The following RBMS3 variants were observed in gnomAD, a reference collection of about 807,000 sequenced individuals.
RBMS3 encodes the protein RNA-binding motif, single-stranded-interacting protein 3.
Under a neutral mutation model 66.8 loss-of-function variants are expected in RBMS3, and 27 were observed. That is an observed-to-expected ratio of 0.40 (90% CI 0.30 to 0.56). The LOEUF (loss-of-function observed/expected upper bound fraction) is 0.56. Among genes scored for constraint, RBMS3 ranks in the 20% least tolerant of loss-of-function variants. The pLI is 0.40. For synonymous variants in RBMS3, 188 were observed against 183.0 expected (o/e 1.03, Z -0.22); for missense variants, 513 against 549.5 (o/e 0.93, Z 0.66).
At chr3:29,584,159 C>T (rs1482940810) in intron 3 of RBMS3, among the ~76,000 whole-genome samples, 1 of 152,116 alleles carries the variant, frequency 6.6e-6, no homozygotes, top group Non-Finnish European at 1.5e-5. Context: ...CACTGGGCAT[C>T]TTGAAGCTAT....
intron 10 of RBMS3, among the ~76,000 whole-genome samples, chr3:29,910,844 A>G (rs1383383858): frequency 1.3e-5 from 2 of 151,946 alleles, no homozygotes; most frequent in Admixed American, 1.3e-4. Context: ...TTAAAGAATT[A>G]TGGAGTTTAG....
chr3:29,932,689 T>C (rs1031757900), intron 10 of RBMS3, among the ~76,000 whole-genome samples: 2 of 152,212 alleles, frequency 1.3e-5, no homozygotes, highest in Non-Finnish European at 2.9e-5. Flanking sequence ...GATTTGCCAA[T>C]GGTTTTGTAT....
At chr3:29,445,217 G>A (rs935114706) in intron 2 of RBMS3, among the ~76,000 whole-genome samples, 5 of 151,924 alleles carry the variant, frequency 3.3e-5, no homozygotes, top group African/African-American at 1.2e-4. Flanking sequence ...GGGAGATACA[G>A]GAAACAGCAT....
intron 1 of RBMS3, among the ~76,000 whole-genome samples, chr3:29,430,831 A>G (rs1393516199): frequency 6.6e-6 from 1 of 152,216 alleles, no homozygotes; most frequent in Non-Finnish European, 1.5e-5. Flanking sequence ...AATTCAAAGA[A>G]TTTGGAGAGA....
At chr3:29,410,496 A>C (rs1200815280) in intron 1 of RBMS3, among the ~76,000 whole-genome samples, 2 of 152,150 alleles carry the variant, frequency 1.3e-5, no homozygotes, top group Non-Finnish European at 2.9e-5. Context: ...CTAGATCCTC[A>C]TGTGGGAATA....
chr3:29,364,897 T>G (rs1219107077), intron 1 of RBMS3, among the ~76,000 whole-genome samples: 4 of 152,156 alleles, frequency 2.6e-5, no homozygotes, highest in African/African-American at 9.7e-5. Context: ...GCATAATGAG[T>G]TCGTGGAGTC....
intron 1 of RBMS3, among the ~76,000 whole-genome samples, chr3:29,405,339 T>A (rs781213204): frequency 8.9e-4 from 136 of 152,258 alleles, no homozygotes; most frequent in Non-Finnish European, 1.6e-3. Flanking sequence ...GTGCCTTTGT[T>A]AAAAAAATTC....
At chr3:29,775,265 A>T (rs952786684) in intron 6 of RBMS3, among the ~76,000 whole-genome samples, 2 of 146,900 alleles carry the variant, frequency 1.4e-5, no homozygotes, top group African/African-American at 5.0e-5. Context: ...TTTTTTATTT[A>T]TTTTTTTTTT....
At chr3:29,818,657 T>C (rs1162684639) in intron 6 of RBMS3, among the ~76,000 whole-genome samples, 1 of 152,170 alleles carries the variant, frequency 6.6e-6, no homozygotes, top group African/African-American at 2.4e-5. Context: ...AAACACTTAT[T>C]TGCTATGCAC....
intron 4 of RBMS3, among the ~76,000 whole-genome samples, chr3:29,665,203 G>GTGGAT (rs1403901844): frequency 6.6e-6 from 1 of 152,142 alleles, no homozygotes; most frequent in East Asian, 1.9e-4. Context: ...GGTGGACTAT[G>GTGGAT]TGGATTCAAA....
intron 6 of RBMS3, among the ~76,000 whole-genome samples, chr3:29,784,638 A>G (rs2056756665): frequency 1.3e-5 from 2 of 152,132 alleles, no homozygotes; most frequent in African/African-American, 4.8e-5. Flanking sequence ...TGGAGAAACA[A>G]TAACGATTCA....
chr3:29,587,557 T>C (rs9851413), intron 4 of RBMS3, among the ~76,000 whole-genome samples: 43,083 of 150,990 alleles, frequency 0.29, 6,636 homozygotes, highest in African/African-American at 0.4. Flanking sequence ...AAAGATGGGG[T>C]GTGTCTGTGT....
chr3:29,513,334 A>G (rs2044488504), intron 3 of RBMS3, among the ~76,000 whole-genome samples: 1 of 152,220 alleles, frequency 6.6e-6, no homozygotes, highest in Non-Finnish European at 1.5e-5. Flanking sequence ...TGAGCCGAAG[A>G]TATCACTAAC....
chr3:29,460,185 A>G (rs80102992), intron 2 of RBMS3, among the ~76,000 whole-genome samples: 4,562 of 152,310 alleles, frequency 0.03, 80 homozygotes, highest in Non-Finnish European at 0.041. Context: ...ATTGGTAGAA[A>G]TATGTTCACC....
At chr3:29,563,811 G>A (rs1235528770) in intron 3 of RBMS3, among the ~76,000 whole-genome samples, 1 of 151,976 alleles carries the variant, frequency 6.6e-6, no homozygotes, top group African/African-American at 2.4e-5. Context: ...GACCACTTGG[G>A]GCCAGGAGTT....
rs73828630 is a variant in RBMS3 at position 29,370,398 on chromosome 3, T to C, written c.76-64345T>C. Among the ~76,000 whole-genome samples the C allele has an allele frequency of 3.5e-3, 527 of 152,334 alleles. 5 individuals carry two copies. The highest frequency in any genetic ancestry group is 0.012 in the African/African-American group (500 of 41,580). ...AACTTGTTTTGGGAGTTCTGCCTCT[T>C]AGTAAATTTATTGCTTTTGATAATG... is the stretch of plus-strand genomic sequence containing the variant. On this transcript the variant is annotated intron_variant, in intron 1 of 14. Transcript: ENST00000383767.
intron 2 of RBMS3, among the ~76,000 whole-genome samples, chr3:29,483,472 G>A (rs1333154215): frequency 6.6e-6 from 1 of 152,152 alleles, no homozygotes; most frequent in East Asian, 1.9e-4. Flanking sequence ...GATCCTGTTA[G>A]AAATGCAAAC....
chr3:29,947,000 G>A (rs1577222065), intron 12 of RBMS3, among the ~76,000 whole-genome samples: 1 of 151,734 alleles, frequency 6.6e-6, no homozygotes, highest in Middle Eastern at 3.4e-3. Flanking sequence ...AAGTAGTTGA[G>A]TGGCAAACTG....
intron 6 of RBMS3, among the ~76,000 whole-genome samples, chr3:29,866,616 C>T (rs1001863166): frequency 6.6e-6 from 1 of 152,114 alleles, no homozygotes; most frequent in African/African-American, 2.4e-5. Flanking sequence ...GATATAAATA[C>T]ATAGTTTTGG....
Sources: gnomAD v4.1 joint callset for allele counts (sites outside exome capture counted in the v4.1 genomes callset) on GRCh38, gnomAD v4.1.1 for gene constraint, MANE v1.5 for transcripts, NCBI Gene and HGNC (gene_info 2026-07-23, HGNC 2026-07-21) for gene names.